Variants in ACTG2 observed in about 807,000 individuals in gnomAD.
ACTG2 encodes actin gamma 2, smooth muscle.
In ACTG2, 16 loss-of-function variants were observed where a neutral mutation model predicts 37.6. The observed-to-expected ratio is 0.43, with a 90% confidence interval of 0.29 to 0.65. The LOEUF is 0.65. ACTG2 is among the 30% of genes least tolerant of loss of function. ACTG2 has a pLI of 0.18. For synonymous variants in ACTG2, 181 were observed against 179.9 expected, an observed-to-expected ratio of 1.01 and a Z score of -0.05; for missense variants, 238 against 490.9, an observed-to-expected ratio of 0.48 and a Z score of 4.87.
Position 73,904,807 on chromosome 2 carries a change from A to G in ACTG2, c.255+2319A>G, listed in dbSNP as rs1030977339. Reference sequence around the variant, plus strand: ...TATATATATATATATATATATATATATATATATAATCTTGTGTGCCTTAAA... The same window carrying G: ...TATATATATATATATATATATATATGTATATATAATCTTGTGTGCCTTAAA... On this transcript the variant is annotated intron_variant, in intron 3 of 8. Transcript: ENST00000345517. Among the ~76,000 whole-genome samples the G allele has an allele frequency of 1.6e-4, 16 of 101,346 alleles. 1 individual carries two copies. Among genetic ancestry groups the G allele is most frequent in the Non-Finnish European group, 3.2e-4 (16 of 50,158 alleles). The allele number at this position is 101,346 out of a possible 152,430, so 66.5% of individuals were successfully genotyped here.
At chr2:73,909,207 G>C in intron 5 of ACTG2, 68 bp downstream of exon 5, 1 of 1,398,488 alleles carries the variant, frequency 7.2e-7, no homozygotes, top group Non-Finnish European at 1.0e-6. Context: ...GGGTCTGGCA[G>C]AGGCTCCTGC....
chr2:73,904,777 G>GTGTATGTATATATATATATATATA (rs1427483105), intron 3 of ACTG2, among the ~76,000 whole-genome samples: 1 of 42,608 alleles, frequency 2.3e-5, no homozygotes, highest in African/African-American at 7.8e-5. Flanking sequence ...GTGTGTGTGT[G>GTGTATGTATATATATATATATATA]TATATATATA....
chr2:73,909,820 G>T (rs1421685482), intron 5 of ACTG2, among the ~76,000 whole-genome samples: 2 of 152,172 alleles, frequency 1.3e-5, no homozygotes, highest in African/African-American at 4.8e-5. Flanking sequence ...CTCTGGGTGG[G>T]TTAGTGAGTG....
chr2:73,912,479 T>G (rs1483017773), intron 5 of ACTG2, among the ~76,000 whole-genome samples: 2 of 152,212 alleles, frequency 1.3e-5, no homozygotes, highest in Admixed American at 6.5e-5. Flanking sequence ...GCAAACATCA[T>G]GTTTAATAGC....
chr2:73,909,875 T>C (rs1338463181), intron 5 of ACTG2, among the ~76,000 whole-genome samples: 2 of 152,204 alleles, frequency 1.3e-5, no homozygotes, highest in Admixed American at 6.5e-5. Context: ...TGTGTACTAC[T>C]GTAGACTATA....
intron 3 of ACTG2, among the ~76,000 whole-genome samples, chr2:73,903,712 C>G (rs942051349): frequency 1.3e-5 from 2 of 152,014 alleles, no homozygotes; most frequent in Admixed American, 1.3e-4. Context: ...GAGACCGAGG[C>G]GGGTGGATCA....
chr2:73,907,229 A>G lies in ACTG2; in HGVS notation c.256-1444A>G, dbSNP rs1401942762. On this transcript the variant is annotated intron_variant, in intron 3 of 8. Transcript: ENST00000345517. ...GTCTCTCTCCCCTCTGGACTTTGCA[A>G]CTGAGAATAGGGTGCCATGTCTGAT... Among the ~76,000 whole-genome samples the G allele has an allele frequency of 2.6e-5, 4 of 152,042 alleles. No homozygotes were observed. The East Asian group carries it at 7.7e-4, about 29-fold the overall frequency.
At chr2:73,898,915 G>A (rs1278596828) in intron 1 of ACTG2, among the ~76,000 whole-genome samples, 2 of 146,768 alleles carry the variant, frequency 1.4e-5, no homozygotes, top group Non-Finnish European at 3.0e-5. Context: ...CCATTCTCCT[G>A]CCTCAGCCTC....
At chr2:73,900,043 G>A (rs889870565) in intron 1 of ACTG2, among the ~76,000 whole-genome samples, 2 of 152,166 alleles carry the variant, frequency 1.3e-5, no homozygotes, top group Non-Finnish European at 2.9e-5. Context: ...GGTCTTCTCT[G>A]TCCAGCTTCT....
At chr2:73,908,962 T>A in intron 4 of ACTG2, 93 bp from the exon 5 acceptor site, 4 of 1,366,052 alleles carry the variant, frequency 2.9e-6, no homozygotes, top group Non-Finnish European at 4.2e-6. Context: ...ACTGGCATAG[T>A]TCCTGCCCTT....
chr2:73,908,693 C>A lies in ACTG2; in HGVS notation c.276C>A (p.Tyr92Ter). The A allele has an allele frequency of 1.2e-6, 2 of 1,610,016 alleles. No homozygotes were observed. The highest frequency in any genetic ancestry group is 1.7e-6 in the Non-Finnish European group (2 of 1,178,216). Residue 92 changes from tyrosine to a stop codon, truncating the protein, a stop_gained, in exon 4 of 9, where the codon TAC (tyrosine) becomes TAA (stop). Coordinates refer to ENST00000345517, the MANE Select transcript of ACTG2 (RefSeq NM_001615.4). LOFTEE classifies it high-confidence loss of function. ...DMEKIWHHSF[Y>*]NELRVAPEEH... ...ACTAGATCTGGCACCACTCCTTCTACAATGAGCTGCGTGTAGCACCTGAAG... is the reference window on the plus strand; with the variant it reads ...ACTAGATCTGGCACCACTCCTTCTAAAATGAGCTGCGTGTAGCACCTGAAG...
At chr2:73,902,025 G>GTGTGTGTGTGTGTGTGTC (rs1679897147) in intron 2 of ACTG2, among the ~76,000 whole-genome samples, 1 of 95,792 alleles carries the variant, frequency 1.0e-5, no homozygotes, top group Non-Finnish European at 2.3e-5. Context: ...AGTCGTGTGT[G>GTGTGTGTGTGTGTGTGTC]TGTGTGTGTG....
intron 2 of ACTG2, 81 bp downstream of exon 2, chr2:73,901,518 G>A: frequency 7.0e-7 from 1 of 1,428,430 alleles, no homozygotes; most frequent in South Asian, 1.3e-5. Context: ...TGAGCTGGGG[G>A]TTAGGGGAAG....
chr2:73,897,828 T>G (rs1205117285), intron 1 of ACTG2, among the ~76,000 whole-genome samples: 1 of 152,172 alleles, frequency 6.6e-6, no homozygotes, highest in Non-Finnish European at 1.5e-5. Context: ...CACCGTTACA[T>G]GGCAGAAGAG....
chr2:73,916,752 C>T lies in ACTG2; in HGVS notation c.974C>T (p.Thr325Ile). 2 of 1,613,826 alleles carry T rather than the reference C, an allele frequency of 1.2e-6. No individual in the cohort carries two copies. Among genetic ancestry groups the T allele is most frequent in the African/African-American group, 1.3e-5 (1 of 75,020 alleles). Reference sequence around the variant, plus strand: ...GAGATCACAGCCCTGGCCCCCAGCACCATGAAGATCAAGGTGGGTCTTGCC... The same window carrying T: ...GAGATCACAGCCCTGGCCCCCAGCATCATGAAGATCAAGGTGGGTCTTGCC... ...QKEITALAPS[T>I]MKIKIIAPPE... Residue 325 changes from threonine to isoleucine, a missense_variant, in exon 8 of 9, where the codon ACC (threonine) becomes ATC (isoleucine). Coordinates refer to ENST00000345517, the MANE Select transcript of ACTG2 (RefSeq NM_001615.4).
chr2:73,909,228 C>G (rs1680077120), intron 5 of ACTG2, 89 bp downstream of exon 5: 1 of 1,224,740 alleles, frequency 8.2e-7, no homozygotes, highest in Non-Finnish European at 1.2e-6. Context: ...TCAGAAGAAT[C>G]AAATGGACAG....
intron 8 of ACTG2, among the ~76,000 whole-genome samples, chr2:73,918,965 C>A (rs1177035369): frequency 6.6e-6 from 1 of 152,214 alleles, no homozygotes; most frequent in African/African-American, 2.4e-5. Flanking sequence ...ATCTGCGCAT[C>A]ACCTGGAAGT....
At chr2:73,895,270 C>T (rs1679722057) in intron 1 of ACTG2, among the ~76,000 whole-genome samples, 1 of 151,936 alleles carries the variant, frequency 6.6e-6, no homozygotes, top group Non-Finnish European at 1.5e-5. Flanking sequence ...AGGAGCAGAG[C>T]CAGGGGAGTG....
intron 5 of ACTG2, among the ~76,000 whole-genome samples, chr2:73,910,035 T>C (rs970199713): frequency 3.3e-5 from 5 of 152,006 alleles, no homozygotes; most frequent in African/African-American, 4.8e-5. Flanking sequence ...GCCAACACGG[T>C]GAAACCCCGT....
Sources: allele counts gnomAD v4.1 joint callset (sites outside exome capture counted in the v4.1 genomes callset), GRCh38; gene constraint gnomAD v4.1.1; transcripts MANE v1.5; gene names NCBI Gene and HGNC (gene_info 2026-07-23, HGNC 2026-07-21).